The following PDZD2 variants were observed in gnomAD, a reference collection of about 807,000 sequenced individuals.
PDZD2 encodes PDZ domain-containing protein 2.
In PDZD2, 90 loss-of-function variants were observed where a neutral mutation model predicts 220.7. The observed-to-expected ratio is 0.41, with a 90% confidence interval of 0.34 to 0.49. The LOEUF (loss-of-function observed/expected upper bound fraction) is 0.49. Among genes scored for constraint, PDZD2 ranks in the 20% least tolerant of loss-of-function variants. PDZD2 has a pLI of 0.28. For synonymous variants in PDZD2, 1,375 were observed against 1,450.5 expected, an observed-to-expected ratio of 0.95 and a Z score of 1.18; for missense variants, 3,174 against 3,608.5, an observed-to-expected ratio of 0.88 and a Z score of 3.08.
At chr5:31,699,780 T>TA (rs1747537485) in intron 1 of PDZD2, among the ~76,000 whole-genome samples, 1 of 133,966 alleles carries the variant, frequency 7.5e-6, no homozygotes, top group African/African-American at 2.8e-5. Flanking sequence ...TTTTTTTGTT[T>TA]GTTTTTTTTT....
intron 6 of PDZD2, among the ~76,000 whole-genome samples, chr5:32,016,160 G>A (rs1410969729): frequency 2.0e-5 from 3 of 152,178 alleles, no homozygotes; most frequent in Admixed American, 1.3e-4. Context: ...CCAGGGGTAT[G>A]GGAGCCTGAA....
chr5:31,974,558 CAAGCT>C (rs1749581884), intron 2 of PDZD2, among the ~76,000 whole-genome samples: 1 of 152,064 alleles, frequency 6.6e-6, no homozygotes, highest in African/African-American at 2.4e-5. Flanking sequence ...CGTAAGCTAC[CAAGCT>C]AATGCACCAG....
chr5:31,907,338 G>A (rs1742746519), intron 2 of PDZD2, among the ~76,000 whole-genome samples: 1 of 152,210 alleles, frequency 6.6e-6, no homozygotes, highest in African/African-American at 2.4e-5. Flanking sequence ...GAAGCAAGCT[G>A]TCTGGCATCT....
chr5:31,685,612 C>T (rs1480391335), intron 1 of PDZD2, among the ~76,000 whole-genome samples: 1 of 152,170 alleles, frequency 6.6e-6, no homozygotes, highest in African/African-American at 2.4e-5. Context: ...CAACCTCTGC[C>T]TCCTGGGCTG....
At chr5:32,070,001 C>G (rs1335024676) in intron 15 of PDZD2, among the ~76,000 whole-genome samples, 1 of 152,114 alleles carries the variant, frequency 6.6e-6, no homozygotes, top group African/African-American at 2.4e-5. Context: ...AGAGTATTAT[C>G]TACCAAAAAG....
intron 2 of PDZD2, among the ~76,000 whole-genome samples, chr5:31,907,265 C>G (rs1742740810): frequency 1.3e-5 from 2 of 152,220 alleles, no homozygotes; most frequent in Admixed American, 1.3e-4. Context: ...CTGGTGAGGG[C>G]TCTCTTCCTG....
intron 2 of PDZD2, among the ~76,000 whole-genome samples, chr5:31,873,164 G>C (rs1561530532): frequency 2.0e-5 from 3 of 152,056 alleles, no homozygotes; most frequent in African/African-American, 4.8e-5. Flanking sequence ...TGAGATTTAA[G>C]AAATTTGGTC....
chr5:32,068,943 C>G lies in PDZD2; in HGVS notation c.2452-626C>G, dbSNP rs572777947. Among the ~76,000 whole-genome samples the G allele has an allele frequency of 4.3e-4, 65 of 152,226 alleles. No individual in the cohort carries two copies. The South Asian group carries it at 0.013, about 31-fold the overall frequency. On this transcript the variant is annotated intron_variant, in intron 14 of 24. Transcript: ENST00000438447. ...AAAAGTATACTACTCTTGCACTACT[C>G]TTACATGTTTTATGTAGGTTTAAAA...
chr5:32,021,867 A>G (rs2112141257), intron 6 of PDZD2, among the ~76,000 whole-genome samples: 1 of 152,256 alleles, frequency 6.6e-6, no homozygotes, highest in Non-Finnish European at 1.5e-5. Context: ...CCTTTGTGTC[A>G]CCCACTTACC....
chr5:31,702,976 A>G (rs1240023338), intron 1 of PDZD2, among the ~76,000 whole-genome samples: 2 of 152,308 alleles, frequency 1.3e-5, no homozygotes, highest in Non-Finnish European at 2.9e-5. Context: ...CTGACTGAGG[A>G]TGGCCTCTGC....
At chr5:31,782,875 G>A (rs922010153) in intron 1 of PDZD2, among the ~76,000 whole-genome samples, 2 of 151,670 alleles carry the variant, frequency 1.3e-5, no homozygotes, top group Non-Finnish European at 1.5e-5. Flanking sequence ...CACCACACCC[G>A]GGTAATTTTT....
intron 20 of PDZD2, among the ~76,000 whole-genome samples, chr5:32,091,719 C>T (rs1296501804): frequency 6.6e-6 from 1 of 152,200 alleles, no homozygotes; most frequent in South Asian, 2.1e-4. Context: ...CTGCTAATAT[C>T]GTTTTTCTGT....
chr5:31,674,905 C>G (rs973799110), intron 1 of PDZD2, among the ~76,000 whole-genome samples: 2 of 152,172 alleles, frequency 1.3e-5, no homozygotes, highest in African/African-American at 4.8e-5. Context: ...ACATTGTCCT[C>G]TGACCCAGGG....
chr5:31,924,791 G>A (rs1744595608), intron 2 of PDZD2, among the ~76,000 whole-genome samples: 1 of 152,216 alleles, frequency 6.6e-6, no homozygotes, highest in South Asian at 2.1e-4. Flanking sequence ...CCAGAGCCTT[G>A]AGGCATTAGA....
intron 2 of PDZD2, among the ~76,000 whole-genome samples, chr5:31,883,597 T>A (rs1229035855): frequency 6.7e-6 from 1 of 149,842 alleles, no homozygotes; most frequent in Non-Finnish European, 1.5e-5. Flanking sequence ...CAGATCAAAT[T>A]TGAATTAACC....
intron 1 of PDZD2, among the ~76,000 whole-genome samples, chr5:31,665,648 C>CG (rs1554060797): frequency 2.7e-4 from 31 of 115,168 alleles, no homozygotes; most frequent in African/African-American, 3.1e-4. Context: ...TCCCCCTCCC[C>CG]CCCCTCCCTT....
At chr5:31,877,538 C>T (rs886409214) in intron 2 of PDZD2, among the ~76,000 whole-genome samples, 2 of 151,942 alleles carry the variant, frequency 1.3e-5, no homozygotes, top group African/African-American at 4.8e-5. Context: ...AGTCTTTTCT[C>T]TTTCATAATT....
chr5:31,912,087 CCAGA>C (rs1743259614), intron 2 of PDZD2, among the ~76,000 whole-genome samples: 1 of 152,136 alleles, frequency 6.6e-6, no homozygotes, highest in Admixed American at 6.5e-5. Flanking sequence ...ACACAAAAGA[CCAGA>C]CAGTGTCTTA....
At chr5:31,902,930 G>A (rs1024033109) in intron 2 of PDZD2, among the ~76,000 whole-genome samples, 1 of 151,588 alleles carries the variant, frequency 6.6e-6, no homozygotes, top group African/African-American at 2.4e-5. Context: ...ATTTCTCATT[G>A]TTCCAGCACC....
Sources: gnomAD v4.1 joint callset for allele counts (sites outside exome capture counted in the v4.1 genomes callset) on GRCh38, gnomAD v4.1.1 for gene constraint, MANE v1.5 for transcripts, NCBI Gene and HGNC (gene_info 2026-07-23, HGNC 2026-07-21) for gene names.